EPHB1: variants seen among roughly 807,000 people sequenced by gnomAD.
EPHB1 encodes the protein EPH receptor B1, also known as ephrin type-B receptor 1.
A neutral mutation model predicts 94.4 loss-of-function variants in EPHB1; 30 were observed. That is an observed-to-expected ratio of 0.32 (90% confidence interval 0.24 to 0.43). EPHB1 has a LOEUF of 0.43. Ranked by LOEUF, EPHB1 falls within the 20% of genes least tolerant of loss-of-function variation. The probability of loss-of-function intolerance (pLI) is 1.00; values close to 1 mark genes in which losing one functional copy is unlikely to be tolerated. For missense variants in EPHB1, 1,055 were observed against 1,308.3 expected (o/e 0.81, Z 2.99); for synonymous variants, 522 against 489.1 (o/e 1.07, Z -0.89).
intron 1 of EPHB1, among the ~76,000 whole-genome samples, chr3:134,854,674 G>A (rs115123749): frequency 0.012 from 1,769 of 152,188 alleles, 38 homozygotes; most frequent in African/African-American, 0.04. Context: ...CGTGACCCGT[G>A]TAACTGATCA....
Position 134,890,487 on chromosome 3 carries a change from G to A in EPHB1, c.59-35329G>A, listed in dbSNP as rs143842823. On this transcript the variant is annotated intron_variant, in intron 1 of 15. Transcript: ENST00000398015. Reference sequence around the variant, plus strand: ...GTTTTTCACACTAACACTCTTGCATGTACCTCCTTTGTACATTTCTGAGAA... The same window carrying A: ...GTTTTTCACACTAACACTCTTGCATATACCTCCTTTGTACATTTCTGAGAA... 2.6e-3 allele frequency among the ~76,000 whole-genome samples: 403 copies of A among 152,272 alleles called. 2 individuals carry two copies. Among genetic ancestry groups the A allele is most frequent in the African/African-American group, 9.4e-3 (389 of 41,550 alleles).
chr3:135,178,219 C>CGGGGG (rs775780350), intron 9 of EPHB1, among the ~76,000 whole-genome samples: 2 of 96,284 alleles, frequency 2.1e-5, no homozygotes, highest in African/African-American at 9.5e-5. Flanking sequence ...TTTGGGAGGC[C>CGGGGG]GGGGAGGGGG....
chr3:134,814,003 G>A (rs2036222333), intron 1 of EPHB1, among the ~76,000 whole-genome samples: 1 of 152,152 alleles, frequency 6.6e-6, no homozygotes. Context: ...CTCCCTGAGG[G>A]CCCCCAGAGT....
chr3:135,158,734 C>G (rs1324323950), intron 6 of EPHB1, among the ~76,000 whole-genome samples: 1 of 152,178 alleles, frequency 6.6e-6, no homozygotes, highest in Non-Finnish European at 1.5e-5. Context: ...TCATCATTCT[C>G]TCTTGTTTAC....
At chr3:135,193,744 C>T (rs1191452266) in intron 11 of EPHB1, among the ~76,000 whole-genome samples, 1 of 152,246 alleles carries the variant, frequency 6.6e-6, no homozygotes, top group Non-Finnish European at 1.5e-5. Context: ...TTGCTGGGAT[C>T]ACTGCTCTGG....
At chr3:134,875,906 G>A (rs2037607206) in intron 1 of EPHB1, among the ~76,000 whole-genome samples, 1 of 152,108 alleles carries the variant, frequency 6.6e-6, no homozygotes, top group Non-Finnish European at 1.5e-5. Context: ...CCGTGAGCCA[G>A]CCTCCACTCA....
intron 1 of EPHB1, among the ~76,000 whole-genome samples, chr3:134,817,966 T>A (rs896060484): frequency 6.6e-6 from 1 of 152,232 alleles, no homozygotes; most frequent in African/African-American, 2.4e-5. Context: ...GTCCTGTGCC[T>A]ATGTTCCTAC....
At chr3:135,019,956 A>G (rs1176656169) in intron 3 of EPHB1, among the ~76,000 whole-genome samples, 1 of 152,228 alleles carries the variant, frequency 6.6e-6, no homozygotes, top group Admixed American at 6.5e-5. Flanking sequence ...CTGGATACCT[A>G]CTGCCAAGGT....
At chr3:134,961,022 A>G (rs1348306675) in intron 3 of EPHB1, among the ~76,000 whole-genome samples, 1 of 152,124 alleles carries the variant, frequency 6.6e-6, no homozygotes, top group Non-Finnish European at 1.5e-5. Flanking sequence ...CTCAGCAGTT[A>G]TGGCCTTCTC....
At chr3:134,940,119 G>C (rs1441292713) in intron 2 of EPHB1, among the ~76,000 whole-genome samples, 1 of 149,128 alleles carries the variant, frequency 6.7e-6, no homozygotes, top group East Asian at 1.9e-4. Context: ...TGTAAGGAGA[G>C]GGAGTTTAGC....
At chr3:135,018,170 T>C (rs1935865019) in intron 3 of EPHB1, among the ~76,000 whole-genome samples, 2 of 152,108 alleles carry the variant, frequency 1.3e-5, no homozygotes, top group Non-Finnish European at 2.9e-5. Context: ...GCAGGGTGCT[T>C]GTACTTCCAA....
At chr3:134,848,630 G>A (rs1398621471) in intron 1 of EPHB1, among the ~76,000 whole-genome samples, 1 of 152,158 alleles carries the variant, frequency 6.6e-6, no homozygotes, top group Non-Finnish European at 1.5e-5. Context: ...TGCCATTATG[G>A]TGCTGGTGTG....
chr3:134,799,681 C>T (rs1283842591), intron 1 of EPHB1, among the ~76,000 whole-genome samples: 1 of 152,206 alleles, frequency 6.6e-6, no homozygotes, highest in Non-Finnish European at 1.5e-5. Flanking sequence ...TGCTAGGTCA[C>T]ACAGTGTCCG....
intron 1 of EPHB1, among the ~76,000 whole-genome samples, chr3:134,836,654 A>G (rs1289546513): frequency 6.6e-6 from 1 of 152,244 alleles, no homozygotes; most frequent in Non-Finnish European, 1.5e-5. Context: ...ACAGAAGCAC[A>G]TTTTAACAAA....
chr3:134,975,486 A>C (rs1449611693), intron 3 of EPHB1, among the ~76,000 whole-genome samples: 1 of 152,102 alleles, frequency 6.6e-6, no homozygotes, highest in East Asian at 1.9e-4. Flanking sequence ...ACAGCTCCTG[A>C]CACTCTGCTA....
At chr3:134,934,966 G>T (rs751372027) in intron 2 of EPHB1, among the ~76,000 whole-genome samples, 25 of 152,304 alleles carry the variant, frequency 1.6e-4, no homozygotes, top group Non-Finnish European at 3.1e-4. Context: ...GACAGGTGTA[G>T]TTCCATGTCT....
chr3:135,233,332 A>C (rs1458229945), intron 12 of EPHB1, among the ~76,000 whole-genome samples: 1 of 152,246 alleles, frequency 6.6e-6, no homozygotes, highest in East Asian at 1.9e-4. Flanking sequence ...GCCCCATGCA[A>C]GTCCAAAATC....
chr3:134,973,425 CTT>C (rs10664147), intron 3 of EPHB1, among the ~76,000 whole-genome samples: 7 of 91,008 alleles, frequency 7.7e-5, no homozygotes, highest in Admixed American at 2.8e-4. Context: ...GTCTTCTAGT[CTT>C]TTTTTTTTTT....
At chr3:134,886,817 C>T (rs1474284061) in intron 1 of EPHB1, among the ~76,000 whole-genome samples, 7 of 151,906 alleles carry the variant, frequency 4.6e-5, no homozygotes, top group Admixed American at 2.6e-4. Flanking sequence ...GTTTGAGTTT[C>T]GTATCCAAAG....
Sources: gnomAD v4.1 joint callset for allele counts (sites outside exome capture counted in the v4.1 genomes callset) on GRCh38, gnomAD v4.1.1 for gene constraint, MANE v1.5 for transcripts, NCBI Gene and HGNC (gene_info 2026-07-23, HGNC 2026-07-21) for gene names.